METTL14: variants seen among roughly 807,000 people sequenced by gnomAD.
METTL14 encodes the protein N(6)-adenosine-methyltransferase non-catalytic subunit METTL14.
Under a neutral mutation model 62.4 loss-of-function variants are expected in METTL14, and 32 were observed. The ratio of observed to expected loss-of-function variants is 0.51; its 90% confidence interval spans 0.39 to 0.69. The LOEUF (loss-of-function observed/expected upper bound fraction) is 0.69, where lower values mean the gene tolerates loss of function less well. Ranked by LOEUF, METTL14 falls within the 30% of genes least tolerant of loss-of-function variation. The probability of loss-of-function intolerance (pLI) is 0.00; values close to 1 mark genes in which losing one functional copy is unlikely to be tolerated. For missense variants in METTL14, 340 were observed against 551.9 expected, an observed-to-expected ratio of 0.62 and a Z score of 3.85; for synonymous variants, 150 against 180.0, an observed-to-expected ratio of 0.83 and a Z score of 1.34.
At chr4:118,702,423 T>G (rs1724623083) in intron 8 of METTL14, among the ~76,000 whole-genome samples, 1 of 152,154 alleles carries the variant, frequency 6.6e-6, no homozygotes, top group African/African-American at 2.4e-5. Flanking sequence ...TAATGACACC[T>G]GGTGCAAAAT....
intron 10 of METTL14, among the ~76,000 whole-genome samples, chr4:118,708,401 A>G (rs1367758959): frequency 1.3e-5 from 2 of 152,204 alleles, no homozygotes; most frequent in African/African-American, 4.8e-5. Flanking sequence ...TAATACCACA[A>G]ACATGCCAAA....
intron 8 of METTL14, among the ~76,000 whole-genome samples, chr4:118,701,521 A>G (rs1477577920): frequency 6.6e-6 from 1 of 152,130 alleles, no homozygotes; most frequent in Non-Finnish European, 1.5e-5. Flanking sequence ...AAAATAATAT[A>G]TATGCTGTTT....
chr4:118,713,859 A>G lies in METTL14; in HGVS notation c.*3557A>G, dbSNP rs564493882. 1 of 152,368 alleles carries G rather than the reference A, an allele frequency of 6.6e-6. No individual in the cohort carries two copies. The highest frequency in any genetic ancestry group is 2.4e-5 in the African/African-American group (1 of 41,588). The allele number at this position is 152,368 out of a possible 1,614,324, so 9.4% of individuals were successfully genotyped here. On this transcript the variant is annotated 3_prime_UTR_variant, in exon 11 of 11. Coordinates refer to ENST00000388822, the MANE Select transcript of METTL14 (RefSeq NM_020961.4). ...TGCTTCTGCTCTCAATAACTCTATCATTTACTCGTATAAATATTGCTAGCT... is the reference window on the plus strand; with the variant it reads ...TGCTTCTGCTCTCAATAACTCTATCGTTTACTCGTATAAATATTGCTAGCT...
At chr4:118,707,251 C>CA (rs1158777969) in intron 10 of METTL14, among the ~76,000 whole-genome samples, 3 of 151,824 alleles carry the variant, frequency 2.0e-5, no homozygotes, top group Admixed American at 2.0e-4. Flanking sequence ...GAAACTCTTG[C>CA]AAAAATTTAG....
Position 118,705,823 on chromosome 4 carries a change from T to TAGGA in METTL14, c.1066+3_1066+6dup. On this transcript the variant is annotated splice_region_variant and intron_variant, in intron 10 of 10. Coordinates refer to ENST00000388822, the MANE Select transcript of METTL14 (RefSeq NM_020961.4). ...GAAGAGATAGTACAATTCGACCAGG[T>TAGGA]AGGACCTCAGTTAACAACAACTTTT... is the stretch of plus-strand genomic sequence containing the variant. The TAGGA allele has an allele frequency of 6.2e-7, 1 of 1,608,826 alleles. No individual in the cohort carries two copies. Among genetic ancestry groups the TAGGA allele is most frequent in the Non-Finnish European group, 8.5e-7 (1 of 1,176,226 alleles).
chr4:118,700,444 C>G, intron 7 of METTL14, 106 bp from the exon 8 acceptor site: 1 of 823,092 alleles, frequency 1.2e-6, no homozygotes, highest in Non-Finnish European at 2.0e-6. Context: ...AACTAATACA[C>G]TTAAAGAACA....
At chr4:118,688,276 A>G (rs995852790) in intron 2 of METTL14, among the ~76,000 whole-genome samples, 4 of 152,128 alleles carry the variant, frequency 2.6e-5, no homozygotes, top group African/African-American at 9.7e-5. Context: ...ATCTCTACTA[A>G]AAATACAAAA....
chr4:118,692,707 A>G (rs929665586), intron 5 of METTL14, among the ~76,000 whole-genome samples: 3 of 152,114 alleles, frequency 2.0e-5, no homozygotes, highest in African/African-American at 7.2e-5. Flanking sequence ...ATTCACTCAA[A>G]AGAGTTTTTT....
In METTL14 at chr4:118,710,194, T is replaced by C; in HGVS notation, c.1263T>C (p.Thr421=). 6.2e-7 allele frequency: 1 copy of C among 1,614,220 alleles called. No homozygotes were observed. The highest frequency in any genetic ancestry group is 8.5e-7 in the Non-Finnish European group (1 of 1,180,032). ...GAPRGGGRGG[T]SAGRGRERNR... is the part of the protein sequence containing the mutation. Reference sequence around the variant, plus strand: ...CCAGAGGTGGAGGAAGAGGTGGAACTTCTGCTGGCCGTGGACGAGAAAGAA... The same window carrying C: ...CCAGAGGTGGAGGAAGAGGTGGAACCTCTGCTGGCCGTGGACGAGAAAGAA... Residue 421 remains threonine, a synonymous_variant, in exon 11 of 11, where the codon ACT becomes ACC. Transcript: ENST00000388822.
rs746209314 is a variant in METTL14 at position 118,685,619 on chromosome 4, C to G, written c.66+19C>G. ...GCAGCAGGTCCGCGGCCCTGGTGTC[C>G]CCTGTGGGAGGGATCGAGAATGCGA... On this transcript the variant is annotated intron_variant, in intron 1 of 10. Coordinates refer to ENST00000388822, the MANE Select transcript of METTL14 (RefSeq NM_020961.4). The G allele has an allele frequency of 3.1e-5, 50 of 1,612,864 alleles. No individual in the cohort carries two copies. The highest frequency in any genetic ancestry group is 4.1e-5 in the Non-Finnish European group (48 of 1,179,224).
rs1258953862 is a variant in METTL14, at chr4:118,712,842, G to C, written c.*2540G>C. 6.6e-6 allele frequency: 1 copy of C among 152,100 alleles called. No individual in the cohort carries two copies. 9.4% of individuals were successfully genotyped at this position (152,100 alleles called of 1,614,324 possible). On this transcript the variant is annotated 3_prime_UTR_variant, in exon 11 of 11. Coordinates refer to ENST00000388822, the MANE Select transcript of METTL14 (RefSeq NM_020961.4). ...TCCCACTGACCTTCCTCCTTTCAGA[G>C]GATGGGGATTAGGAGGCCCAAAGTA...
intron 3 of METTL14, among the ~76,000 whole-genome samples, chr4:118,690,492 A>C (rs186260788): frequency 0.011 from 1,701 of 152,090 alleles, 31 homozygotes; most frequent in African/African-American, 0.039. Flanking sequence ...CCTCCTGGCT[A>C]ACATGGTGAA....
chr4:118,702,183 G>A (rs1010578727), intron 8 of METTL14, among the ~76,000 whole-genome samples: 15 of 148,272 alleles, frequency 1.0e-4, no homozygotes, highest in African/African-American at 3.0e-4. Context: ...GCAGTGGTGC[G>A]ATCTTGGCTC....
chr4:118,707,946 T>A (rs541448405), intron 10 of METTL14, among the ~76,000 whole-genome samples: 16 of 151,784 alleles, frequency 1.1e-4, no homozygotes, highest in African/African-American at 3.9e-4. Context: ...TGATTCAGCC[T>A]CCTGAGTAGC....
intron 9 of METTL14, among the ~76,000 whole-genome samples, chr4:118,704,940 C>T (rs1004391970): frequency 3.3e-5 from 5 of 152,032 alleles, no homozygotes; most frequent in African/African-American, 1.2e-4. Flanking sequence ...TGGTTCTCAG[C>T]CCTTGACCTG....
chr4:118,687,565 T>G (rs1724107666), intron 1 of METTL14, among the ~76,000 whole-genome samples: 1 of 152,214 alleles, frequency 6.6e-6, no homozygotes, highest in Admixed American at 6.5e-5. Context: ...CCATCATAAG[T>G]GGAAAATATT....
chr4:118,704,590 G>A (rs577470292), intron 9 of METTL14, among the ~76,000 whole-genome samples: 8 of 152,166 alleles, frequency 5.3e-5, no homozygotes, highest in East Asian at 1.9e-4. Context: ...TGAAGCCTCC[G>A]TAAAATCCCA....
chr4:118,690,726 A>AT (rs1343991840), intron 3 of METTL14, among the ~76,000 whole-genome samples: 1 of 151,844 alleles, frequency 6.6e-6, no homozygotes, highest in Non-Finnish European at 1.5e-5. Context: ...ATTGGATCAG[A>AT]TTTTGAGAAG....
intron 9 of METTL14, 124 bp downstream of exon 9, chr4:118,704,175 C>A: frequency 1.6e-6 from 1 of 623,176 alleles, no homozygotes; most frequent in Non-Finnish European, 2.8e-6. Context: ...GTAAAGACAG[C>A]ATTGAGCATT....
Sources: allele counts gnomAD v4.1 joint callset (sites outside exome capture counted in the v4.1 genomes callset), GRCh38; gene constraint gnomAD v4.1.1; transcripts MANE v1.5; gene names NCBI Gene and HGNC (gene_info 2026-07-23, HGNC 2026-07-21).